Variants in DYSF observed in about 807,000 individuals in gnomAD.
DYSF encodes the protein dysferlin.
Under a neutral mutation model 274.9 loss-of-function variants are expected in DYSF, and 212 were observed. That is an observed-to-expected ratio of 0.77 (90% CI 0.69 to 0.86). DYSF has a LOEUF of 0.86. Ranked by LOEUF, DYSF falls within the 40% of genes least tolerant of loss-of-function variation. The probability of loss-of-function intolerance (pLI) is 0.00; values close to 1 mark genes in which losing one functional copy is unlikely to be tolerated. For missense variants in DYSF, 2,666 were observed against 2,783.2 expected (o/e 0.96, Z 0.95); for synonymous variants, 1,091 against 1,078.7 (o/e 1.01, Z -0.22).
At chr2:71,668,931 C>T in intron 49 of DYSF, 89 bp downstream of exon 49, 1 of 1,440,360 alleles carries the variant, frequency 6.9e-7, no homozygotes, top group Non-Finnish European at 9.6e-7. Context: ...TTGCTCTTTT[C>T]TGCCGGGCTT....
At chr2:71,645,766 G>A (rs2094558360) in intron 42 of DYSF, among the ~76,000 whole-genome samples, 1 of 152,062 alleles carries the variant, frequency 6.6e-6, no homozygotes, top group Non-Finnish European at 1.5e-5. Context: ...TGGAAATTGT[G>A]TATTTTCACT....
chr2:71,471,642 T>A (rs1167508593), intron 1 of DYSF, among the ~76,000 whole-genome samples: 1 of 152,222 alleles, frequency 6.6e-6, no homozygotes, highest in African/African-American at 2.4e-5. Flanking sequence ...ATCATAGATT[T>A]TTTTTTTCCC....
intron 41 of DYSF, among the ~76,000 whole-genome samples, chr2:71,633,216 A>G (rs1022503264): frequency 6.6e-6 from 1 of 152,188 alleles, no homozygotes; most frequent in Middle Eastern, 3.2e-3. Flanking sequence ...TGGGGGGCAT[A>G]AGTGATTTGG....
At chr2:71,492,730 C>G (rs1344435356) in intron 3 of DYSF, among the ~76,000 whole-genome samples, 1 of 135,164 alleles carries the variant, frequency 7.4e-6, no homozygotes, top group Non-Finnish European at 1.6e-5. Flanking sequence ...CTCGTCTCTC[C>G]CTTCTTGTTT....
At chr2:71,666,471 G>T (rs1287194026) in intron 47 of DYSF, among the ~76,000 whole-genome samples, 1 of 152,248 alleles carries the variant, frequency 6.6e-6, no homozygotes, top group East Asian at 1.9e-4. Context: ...ACATGTGTGT[G>T]TACATATAGG....
Position 71,539,193 on chromosome 2 carries a change from C to T in DYSF, c.1530C>T (p.Thr510=). 6.2e-7 allele frequency: 1 copy of T among 1,614,138 alleles called. No homozygotes were observed. The highest frequency in any genetic ancestry group is 1.1e-5 in the South Asian group (1 of 91,082). The change falls in exon 17 of 56, where the codon ACC becomes ACT. Residue 510 remains threonine (T), a synonymous_variant. Transcript: ENST00000410020. The part of the protein sequence containing the change: ...RLTHNDIVAT[T]YLSMSKISAP... ...CTCACAATGACATCGTGGCTACCAC[C>T]TACCTGAGTATGTCGAAAATCTCTG...
chr2:71,631,945 C>T (rs1008094048), intron 41 of DYSF, among the ~76,000 whole-genome samples: 1 of 152,108 alleles, frequency 6.6e-6, no homozygotes, highest in African/African-American at 2.4e-5. Flanking sequence ...ATCCGGCGCT[C>T]CTTGCCTCCA....
At chr2:71,581,245 C>T (rs1182140701) in intron 30 of DYSF, among the ~76,000 whole-genome samples, 1 of 152,230 alleles carries the variant, frequency 6.6e-6, no homozygotes, top group African/African-American at 2.4e-5. Context: ...CACGTGGCAT[C>T]GTGGATTCTC....
rs1342342076 is a variant in DYSF, at chr2:71,612,669, C to A, written c.4250C>A (p.Pro1417His). Residue 1417 changes from proline (P) to histidine (H), a missense_variant, in exon 39 of 56, where the codon CCC (proline) becomes CAC (histidine). By Grantham distance (77) the Pro-to-His change is moderately conservative. This residue lies in a region of DYSF where 1,460 missense variants were observed against 1,502.1 expected (regional missense o/e 0.97). Transcript: ENST00000410020. ...CTGCCCAGGGAGGAGCTCTACTGCC[C>A]CCCCATCACCGTCAAGGTCATCGAT... is the stretch of plus-strand genomic sequence containing the variant. ...VMLPREELYC[P>H]PITVKVIDNR... 6.2e-7 allele frequency: 1 copy of A among 1,614,152 alleles called. No homozygotes were observed. The highest frequency in any genetic ancestry group is 1.7e-5 in the Admixed American group (1 of 60,022).
In DYSF at chr2:71,551,596, C is replaced by A. The variant is rs1289743680; in HGVS notation, c.1693-11C>A. The A allele has an allele frequency of 5.6e-6, 9 of 1,597,584 alleles. No homozygotes were observed. Among genetic ancestry groups the A allele is most frequent in the African/African-American group, 5.3e-5 (4 of 74,876 alleles). ...TCTCCCCTGCTCCTTGTGACCTGAC[C>A]TCCCTGGCAGGGGGAAGGTGTGGCT... On this transcript the variant is annotated splice_polypyrimidine_tract_variant and intron_variant, in intron 18 of 55. Coordinates refer to ENST00000410020, the MANE Select transcript of DYSF (RefSeq NM_001130987.2).
chr2:71,498,490 T>G (rs1315255584), intron 3 of DYSF, among the ~76,000 whole-genome samples: 3 of 152,240 alleles, frequency 2.0e-5, no homozygotes, highest in Non-Finnish European at 4.4e-5. Flanking sequence ...ATGCAGTGTC[T>G]GAAAAATACC....
chr2:71,616,067 G>C (rs1271661829), intron 40 of DYSF, among the ~76,000 whole-genome samples: 1 of 152,198 alleles, frequency 6.6e-6, no homozygotes, highest in African/African-American at 2.4e-5. Context: ...CATCTGCCTA[G>C]GTCCTGGGAT....
chr2:71,661,100 G>A (rs190244479), intron 45 of DYSF, among the ~76,000 whole-genome samples: 400 of 112,172 alleles, frequency 3.6e-3, no homozygotes, highest in Middle Eastern at 0.024. Flanking sequence ...CTGGGTGACA[G>A]AGCAAAACCC....
At chr2:71,508,986 G>A (rs1350369272) in intron 4 of DYSF, among the ~76,000 whole-genome samples, 1 of 152,056 alleles carries the variant, frequency 6.6e-6, no homozygotes, top group Non-Finnish European at 1.5e-5. Flanking sequence ...CCAAGTAGCT[G>A]GGATTACAGG....
At chr2:71,577,710 C>T (rs2092758461) in intron 30 of DYSF, among the ~76,000 whole-genome samples, 2 of 152,152 alleles carry the variant, frequency 1.3e-5, no homozygotes, top group Non-Finnish European at 1.5e-5. Context: ...CCTCCACAGT[C>T]ACGTTTCCGT....
At chr2:71,589,820 G>A in intron 31 of DYSF, 134 bp downstream of exon 31, 1 of 892,374 alleles carries the variant, frequency 1.1e-6, no homozygotes, top group Non-Finnish European at 1.9e-6. Flanking sequence ...TGGTGGGTCA[G>A]TGCTGTGTGT....
chr2:71,613,435 G>C, intron 40 of DYSF, 25 bp downstream of exon 40: 1 of 1,598,146 alleles, frequency 6.3e-7, no homozygotes, highest in Admixed American at 1.7e-5. Context: ...CTCCAGGGAG[G>C]CCTGGGTCAC....
chr2:71,686,598 T>C lies in DYSF; in HGVS notation c.*106T>C, dbSNP rs1444582494. On this transcript the variant is annotated 3_prime_UTR_variant, in exon 56 of 56. Coordinates refer to ENST00000410020, the MANE Select transcript of DYSF (RefSeq NM_001130987.2). ...GCTCCTCCAGACCTCCTAGGCCTGATTGTCCTGCCAGGGTGGGCAGACAGA... is the reference window on the plus strand; with the variant it reads ...GCTCCTCCAGACCTCCTAGGCCTGACTGTCCTGCCAGGGTGGGCAGACAGA... 6 of 1,360,516 alleles carry C rather than the reference T, an allele frequency of 4.4e-6. No individual in the cohort carries two copies. Among genetic ancestry groups the C allele is most frequent in the Non-Finnish European group, 4.2e-6 (4 of 957,578 alleles). 84.3% of individuals were successfully genotyped at this position (1,360,516 alleles called of 1,614,324 possible). A position where few individuals can be genotyped will look rare whatever the true frequency, so the allele number is the denominator to read the frequency against.
chr2:71,633,125 T>A (rs2094342624), intron 41 of DYSF, among the ~76,000 whole-genome samples: 1 of 152,176 alleles, frequency 6.6e-6, no homozygotes, highest in Admixed American at 6.5e-5. Context: ...GTAGAAATAA[T>A]TAAGTGACTT....
Sources: allele counts gnomAD v4.1 joint callset (sites outside exome capture counted in the v4.1 genomes callset), GRCh38; gene constraint gnomAD v4.1.1; regional missense constraint gnomAD v4.1.1; transcripts MANE v1.5; gene names NCBI Gene and HGNC (gene_info 2026-07-23, HGNC 2026-07-21).